DCDC1: variants seen among roughly 807,000 people sequenced by gnomAD.
DCDC1 encodes doublecortin domain containing 1.
DCDC1 carries 200 observed loss-of-function variants against 178.3 expected under a neutral mutation model. The observed-to-expected ratio is 1.12, with a 90% CI of 1.00 to 1.26. The LOEUF is 1.26. Ranked by LOEUF, DCDC1 falls within the 50% of genes most tolerant of loss-of-function variation. DCDC1 has a pLI of 0.00. For synonymous variants in DCDC1, 690 were observed against 604.8 expected (o/e 1.14, Z -2.07); for missense variants, 1,983 against 1,749.2 (o/e 1.13, Z -2.38).
At chr11:31,252,459 T>G (rs1944107918) in intron 8 of DCDC1, among the ~76,000 whole-genome samples, 1 of 152,134 alleles carries the variant, frequency 6.6e-6, no homozygotes, top group Non-Finnish European at 1.5e-5. Flanking sequence ...TGGCTGCAAG[T>G]TCAATATAGA....
rs991144863 is a variant in DCDC1 at position 31,103,677 on chromosome 11, T to C, written c.1844A>G (p.Asp615Gly). Residue 615 changes from aspartate (D) to glycine (G), a missense_variant, in exon 14 of 39, where the codon GAT (aspartate) becomes GGT (glycine). Asp to Gly is a moderately conservative substitution (Grantham distance 94). Coordinates refer to ENST00000684477, the MANE Select transcript of DCDC1 (RefSeq NM_001387274.1). ...DIMVAYKTFLDPNAVLLPGCG... is the reference protein window; with the variant it reads ...DIMVAYKTFLGPNAVLLPGCG... Reference sequence around the variant, plus strand: ...TCCAGGTAGCAGAACAGCATTAGGATCCAAAAAGGTCTTATATGCAACCAT... The same window carrying C: ...TCCAGGTAGCAGAACAGCATTAGGACCCAAAAAGGTCTTATATGCAACCAT... The C allele has an allele frequency of 1.3e-6, 1 of 765,162 alleles. No individual in the cohort carries two copies. The highest frequency in any genetic ancestry group is 1.7e-5 in the Admixed American group (1 of 58,588). 47.4% of individuals were successfully genotyped at this position (765,162 alleles called of 1,614,324 possible). A position where few individuals can be genotyped will look rare whatever the true frequency, so the allele number is the denominator to read the frequency against.
intron 21 of DCDC1, among the ~76,000 whole-genome samples, chr11:30,950,796 G>C (rs1305251152): frequency 6.6e-6 from 1 of 151,910 alleles, no homozygotes; most frequent in Non-Finnish European, 1.5e-5. Context: ...GTAGTCAGTA[G>C]CACGATAGAA....
chr11:30,969,854 T>G (rs1949680594), intron 20 of DCDC1, among the ~76,000 whole-genome samples: 1 of 152,226 alleles, frequency 6.6e-6, no homozygotes, highest in Non-Finnish European at 1.5e-5. Flanking sequence ...ATTATGTTTT[T>G]CATATTCATC....
At chr11:31,022,322 AT>A (rs1420283043) in intron 20 of DCDC1, among the ~76,000 whole-genome samples, 2 of 152,230 alleles carry the variant, frequency 1.3e-5, no homozygotes, top group East Asian at 3.9e-4. Context: ...CTATTGACAG[AT>A]AGTATGTTCC....
chr11:31,166,804 G>A (rs1048472267), intron 9 of DCDC1, among the ~76,000 whole-genome samples: 1 of 152,132 alleles, frequency 6.6e-6, no homozygotes, highest in Non-Finnish European at 1.5e-5. Flanking sequence ...AGCTATAAAT[G>A]TGAACCACAG....
At chr11:31,202,225 C>G (rs1252590670) in intron 9 of DCDC1, among the ~76,000 whole-genome samples, 1 of 152,140 alleles carries the variant, frequency 6.6e-6, no homozygotes, top group Non-Finnish European at 1.5e-5. Flanking sequence ...CCTCTCAATA[C>G]TAGCCATTCT....
intron 11 of DCDC1, among the ~76,000 whole-genome samples, chr11:31,111,338 G>A (rs1017539688): frequency 2.0e-5 from 3 of 151,142 alleles, no homozygotes; most frequent in African/African-American, 4.9e-5. Context: ...GAAAGTTTTT[G>A]AAATGTATTT....
At chr11:31,317,009 A>G (rs1949148214) in intron 3 of DCDC1, among the ~76,000 whole-genome samples, 1 of 55,450 alleles carries the variant, frequency 1.8e-5, no homozygotes, top group Non-Finnish European at 3.1e-5. Context: ...TGTTCCATTG[A>G]TCTATATTTC....
chr11:31,195,132 G>A (rs895210337), intron 9 of DCDC1, among the ~76,000 whole-genome samples: 1 of 152,050 alleles, frequency 6.6e-6, no homozygotes, highest in Non-Finnish European at 1.5e-5. Context: ...CGTTTCTAAG[G>A]TGAAAGAAGT....
In DCDC1 at chr11:30,878,679, A is replaced by G. The variant is rs1485858346; in HGVS notation, c.5266T>C (p.Tyr1756His). The change falls in exon 38 of 39, where the codon TAT (tyrosine) becomes CAT (histidine). Residue 1756 changes from tyrosine to histidine, a missense_variant. Physicochemically the swap from Tyr to His is moderately conservative, Grantham distance 83 (BLOSUM62 2). Coordinates refer to ENST00000684477, the MANE Select transcript of DCDC1 (RefSeq NM_001387274.1). ...LKQLMEIRAN[Y>H]ARIRRQQGPQ... ...CCCTGCTGCCTTCGGATTCTGGCATAATTTGCTCTGATCTCCATCAGTTGT... is the reference window on the plus strand; with the variant it reads ...CCCTGCTGCCTTCGGATTCTGGCATGATTTGCTCTGATCTCCATCAGTTGT... 6 of 1,606,448 alleles carry G rather than the reference A, an allele frequency of 3.7e-6. No individual in the cohort carries two copies. The highest frequency in any genetic ancestry group is 2.3e-5 in the East Asian group (1 of 44,328).
At chr11:31,038,087 G>T in intron 20 of DCDC1, among the ~76,000 whole-genome samples, 1 of 116,438 alleles carries the variant, frequency 8.6e-6, no homozygotes, top group African/African-American at 3.3e-5. Flanking sequence ...GGGGAGGGGG[G>T]AGGGATAGCA....
intron 1 of DCDC1, among the ~76,000 whole-genome samples, chr11:31,349,757 T>C (rs1441347819): frequency 1.3e-5 from 2 of 152,124 alleles, no homozygotes; most frequent in African/African-American, 4.8e-5. Context: ...CCCAGCTACC[T>C]TGGGAGGCTG....
intron 9 of DCDC1, among the ~76,000 whole-genome samples, chr11:31,179,477 G>C (rs927235222): frequency 1.3e-5 from 2 of 152,076 alleles, no homozygotes; most frequent in Non-Finnish European, 2.9e-5. Flanking sequence ...CATAAACAAT[G>C]GAATATTATT....
chr11:31,121,761 CAT>C (rs1459461579), intron 11 of DCDC1, among the ~76,000 whole-genome samples: 1 of 151,806 alleles, frequency 6.6e-6, no homozygotes, highest in African/African-American at 2.4e-5. Context: ...TGTGAGCTTA[CAT>C]ATATATGTAA....
intron 9 of DCDC1, among the ~76,000 whole-genome samples, chr11:31,181,742 A>G (rs1968828409): frequency 6.6e-6 from 1 of 152,236 alleles, no homozygotes; most frequent in South Asian, 2.1e-4. Context: ...AAAGGTAGAT[A>G]AATCCACAAA....
chr11:31,182,865 G>T (rs1011618207), intron 9 of DCDC1, among the ~76,000 whole-genome samples: 2 of 152,086 alleles, frequency 1.3e-5, no homozygotes, highest in African/African-American at 4.8e-5. Flanking sequence ...CATCTCATGT[G>T]CAAAGACACA....
chr11:31,192,068 T>C (rs1388237242), intron 9 of DCDC1, among the ~76,000 whole-genome samples: 4 of 151,968 alleles, frequency 2.6e-5, no homozygotes, highest in Non-Finnish European at 5.9e-5. Flanking sequence ...TCCCTTTCCT[T>C]ATCCAGGTAA....
At position 30,865,254 on chromosome 11, in the gene DCDC1, T is replaced by G. The variant is rs1940876390; in HGVS notation, c.*119A>C. Reference sequence around the variant, plus strand: ...TGTTATTTAGAAGATTTGCCAAATTTAGAGTCTTCAGCGATGGAAATAATT... The same window carrying G: ...TGTTATTTAGAAGATTTGCCAAATTGAGAGTCTTCAGCGATGGAAATAATT... On this transcript the variant is annotated 3_prime_UTR_variant, in exon 39 of 39. Transcript: ENST00000684477. 3 of 152,212 alleles carry G rather than the reference T, an allele frequency of 2.0e-5. No individual in the cohort carries two copies. In the South Asian group the frequency reaches 6.2e-4, roughly 31 times the overall value. 9.4% of individuals were successfully genotyped at this position (152,212 alleles called of 1,614,324 possible).
Position 31,094,161 on chromosome 11 carries a change from A to C in DCDC1, c.2007T>G (p.His669Gln), listed in dbSNP as rs746758323. ...TCCACTTTCCAATGGAAACAGAGGCATGAAGGACAATATTGGGATCTACCT... is the reference window on the plus strand; with the variant it reads ...TCCACTTTCCAATGGAAACAGAGGCCTGAAGGACAATATTGGGATCTACCT... ...QNKVDPNIVLHASVSIGKWSF... is the reference protein window; with the variant it reads ...QNKVDPNIVLQASVSIGKWSF... The change falls in exon 16 of 39, where the codon CAT becomes CAG. Residue 669 changes from histidine to glutamine, a missense_variant. Physicochemically the swap from His to Gln is conservative, Grantham distance 24. Coordinates refer to ENST00000684477, the MANE Select transcript of DCDC1 (RefSeq NM_001387274.1). 1.3e-6 allele frequency: 1 copy of C among 766,258 alleles called. No homozygotes were observed. Among genetic ancestry groups the C allele is most frequent in the South Asian group, 1.3e-5 (1 of 74,624 alleles). 47.5% of individuals were successfully genotyped at this position (766,258 alleles called of 1,614,324 possible). A position where few individuals can be genotyped will look rare whatever the true frequency, so the allele number is the denominator to read the frequency against.
Sources: allele counts gnomAD v4.1 joint callset (sites outside exome capture counted in the v4.1 genomes callset), GRCh38; gene constraint gnomAD v4.1.1; transcripts MANE v1.5; gene names NCBI Gene and HGNC (gene_info 2026-07-23, HGNC 2026-07-21).